Variants in LIPC observed in about 807,000 individuals in gnomAD.
The protein encoded by LIPC is lipase C, hepatic type.
A neutral mutation model predicts 50.7 loss-of-function variants in LIPC; 44 were observed. That is an observed-to-expected ratio of 0.87 (90% confidence interval 0.68 to 1.11). The LOEUF (loss-of-function observed/expected upper bound fraction) is 1.11. LIPC is among the 50% of genes most tolerant of loss of function. The pLI is 0.00. For synonymous variants in LIPC, 271 were observed against 256.4 expected (o/e 1.06, Z -0.54); for missense variants, 697 against 648.2 (o/e 1.08, Z -0.82).
intron 8 of LIPC, chr15:58,565,951 A>G: frequency 8.1e-6 from 8 of 983,214 alleles, no homozygotes; most frequent in Non-Finnish European, 9.6e-6. Context: ...GGCTCTTGGT[A>G]GAAATAAACT....
intron 1 of LIPC, chr15:58,521,896 C>T (rs1429730181): frequency 4.5e-5 from 6 of 132,120 alleles, no homozygotes; most frequent in South Asian, 2.8e-4. Context: ...TGACTAGGAA[C>T]GCTCTGTCAT....
chr15:58,436,508 A>T (rs1034514553), intron 1 of LIPC: 1 of 244,154 alleles, frequency 4.1e-6, no homozygotes, highest in Non-Finnish European at 8.3e-6. Flanking sequence ...AAAATTGTTC[A>T]CTGCTTTATA....
chr15:58,561,825 C>G (rs1218320182), intron 7 of LIPC, among the ~76,000 whole-genome samples: 1 of 152,152 alleles, frequency 6.6e-6, no homozygotes, highest in African/African-American at 2.4e-5. Flanking sequence ...TAATGCTGGT[C>G]AGTTGTGCCT....
intron 6 of LIPC, among the ~76,000 whole-genome samples, chr15:58,556,485 C>T (rs1011437302): frequency 6.6e-6 from 1 of 152,180 alleles, no homozygotes; most frequent in Non-Finnish European, 1.5e-5. Context: ...AAATGTGAAA[C>T]TTGCAGAAGA....
chr15:58,432,842 T>G (rs568781759), intron 1 of LIPC, among the ~76,000 whole-genome samples: 1 of 152,192 alleles, frequency 6.6e-6, no homozygotes, highest in Non-Finnish European at 1.5e-5. Context: ...GAATTTGTTT[T>G]GGTACTGGTT....
chr15:58,524,694 T>A (rs1221247223), intron 1 of LIPC, among the ~76,000 whole-genome samples: 1 of 152,210 alleles, frequency 6.6e-6, no homozygotes, highest in Non-Finnish European at 1.5e-5. Context: ...CAAAGGGCCA[T>A]TCATATTCCT....
At chr15:58,483,409 C>G (rs566086858) in intron 1 of LIPC, among the ~76,000 whole-genome samples, 2 of 152,306 alleles carry the variant, frequency 1.3e-5, no homozygotes, top group African/African-American at 4.8e-5. Flanking sequence ...AATTGGCACA[C>G]TGACCCTGCA....
intron 1 of LIPC, among the ~76,000 whole-genome samples, chr15:58,441,797 C>T (rs1286969733): frequency 6.6e-6 from 1 of 152,144 alleles, no homozygotes; most frequent in Non-Finnish European, 1.5e-5. Flanking sequence ...GAAAACAGGG[C>T]TGAGCTGGCT....
chr15:58,476,032 C>T (rs1375465056), intron 1 of LIPC, among the ~76,000 whole-genome samples: 2 of 152,238 alleles, frequency 1.3e-5, no homozygotes, highest in Admixed American at 6.5e-5. Context: ...CACCAGGCAG[C>T]GTGCCAAGCA....
intron 1 of LIPC, among the ~76,000 whole-genome samples, chr15:58,532,641 G>A (rs1457673828): frequency 6.6e-6 from 1 of 152,196 alleles, no homozygotes; most frequent in African/African-American, 2.4e-5. Context: ...CCAATACATG[G>A]AAAGGGCTCA....
At chr15:58,567,906 C>A (rs1894444370) in intron 8 of LIPC, among the ~76,000 whole-genome samples, 1 of 152,136 alleles carries the variant, frequency 6.6e-6, no homozygotes, top group Non-Finnish European at 1.5e-5. Flanking sequence ...TATTTGGCTT[C>A]ATTTATTCCT....
Position 58,541,963 on chromosome 15 carries a change from TGGAGGTACC to T in LIPC, c.454_456+6del. On this transcript the variant is annotated splice_donor_variant and splice_donor_5th_base_variant and coding_sequence_variant and intron_variant, in exon 3 of 9. Coordinates refer to ENST00000299022, the MANE Select transcript of LIPC (RefSeq NM_000236.3). LOFTEE classifies it high-confidence loss of function. ...GAGGTCGCGGCTCTTCTCCGGTGGC[TGGAGGTACC>T]GACCTGCCCCATCCTTCCTTCACCT... The T allele has an allele frequency of 6.2e-7, 1 of 1,607,718 alleles. No homozygotes were observed. The highest frequency in any genetic ancestry group is 8.5e-7 in the Non-Finnish European group (1 of 1,178,644).
rs1392139947 is a variant in LIPC at position 58,545,868 on chromosome 15, T to C, written c.701T>C (p.Ile234Thr). 1 of 1,613,996 alleles carries C rather than the reference T, an allele frequency of 6.2e-7. No individual in the cohort carries two copies. Among genetic ancestry groups the C allele is most frequent in the Non-Finnish European group, 8.5e-7 (1 of 1,180,024 alleles). Residue 234 changes from isoleucine (I) to threonine (T), a missense_variant, in exon 5 of 9, where the codon ATC (isoleucine) becomes ACC (threonine). Ile to Thr is a moderately conservative substitution (Grantham distance 89). Coordinates refer to ENST00000299022, the MANE Select transcript of LIPC (RefSeq NM_000236.3). Reference sequence around the variant, plus strand: ...GAGCACATGGGCCTGAGCGTGGGCATCAAACAGCCCATAGGACACTATGAC... The same window carrying C: ...GAGCACATGGGCCTGAGCGTGGGCACCAAACAGCCCATAGGACACTATGAC... ...TREHMGLSVG[I>T]KQPIGHYDFY...
At chr15:58,463,406 C>A (rs1437932263) in intron 1 of LIPC, among the ~76,000 whole-genome samples, 1 of 152,224 alleles carries the variant, frequency 6.6e-6, no homozygotes, top group Non-Finnish European at 1.5e-5. Flanking sequence ...CTTTCAGAAA[C>A]TGCTCTGCTC....
intron 1 of LIPC, among the ~76,000 whole-genome samples, chr15:58,442,523 G>A (rs185390341): frequency 2.6e-4 from 40 of 152,330 alleles, no homozygotes; most frequent in African/African-American, 9.6e-4. Context: ...ATTTGATGCT[G>A]TTTGGAAGAA....
chr15:58,537,234 G>C (rs1893154670), intron 1 of LIPC, among the ~76,000 whole-genome samples: 1 of 152,208 alleles, frequency 6.6e-6, no homozygotes, highest in African/African-American at 2.4e-5. Flanking sequence ...CCTCTTGGCA[G>C]AGGTGTCCGT....
At chr15:58,469,211 T>C (rs766892697) in intron 1 of LIPC, among the ~76,000 whole-genome samples, 1 of 151,722 alleles carries the variant, frequency 6.6e-6, no homozygotes, top group Non-Finnish European at 1.5e-5. Context: ...CGTAGTTTAC[T>C]CTAACATTGA....
chr15:58,450,219 G>A (rs261336), intron 1 of LIPC, among the ~76,000 whole-genome samples: 122,947 of 152,162 alleles, frequency 0.81, 49,753 homozygotes, highest in Middle Eastern at 0.86. Flanking sequence ...AGCTAAATCA[G>A]TTAGGTCACT....
At chr15:58,465,538 C>T (rs905139132) in intron 1 of LIPC, among the ~76,000 whole-genome samples, 1 of 152,138 alleles carries the variant, frequency 6.6e-6, no homozygotes, top group Admixed American at 6.5e-5. Flanking sequence ...GAGGAAGAGA[C>T]AAAGACCAAA....
Sources: gnomAD v4.1 joint callset for allele counts (sites outside exome capture counted in the v4.1 genomes callset) on GRCh38, gnomAD v4.1.1 for gene constraint, MANE v1.5 for transcripts, NCBI Gene and HGNC (gene_info 2026-07-23, HGNC 2026-07-21) for gene names.